Variants in AHNAK observed in about 807,000 individuals in gnomAD.
The protein encoded by AHNAK is neuroblast differentiation-associated protein AHNAK.
Under a neutral mutation model 37.8 loss-of-function variants are expected in AHNAK, and 23 were observed. The observed-to-expected ratio is 0.61, with a 90% CI of 0.44 to 0.86. The LOEUF (loss-of-function observed/expected upper bound fraction) is 0.86, where lower values mean the gene tolerates loss of function less well. Among genes scored for constraint, AHNAK ranks in the 40% least tolerant of loss-of-function variants. The probability of loss-of-function intolerance (pLI) is 0.00; values close to 1 mark genes in which losing one functional copy is unlikely to be tolerated. For synonymous variants in AHNAK, 2,481 were observed against 2,636.3 expected (o/e 0.94, Z 1.80); for missense variants, 7,411 against 7,319.4 (o/e 1.01, Z -0.46).
chr11:62,464,140 T>C (rs1409081291), intron 5 of AHNAK, among the ~76,000 whole-genome samples: 1 of 151,194 alleles, frequency 6.6e-6, no homozygotes. Flanking sequence ...TGATCCTCTC[T>C]CCTCAGCCTC....
intron 5 of AHNAK, among the ~76,000 whole-genome samples, chr11:62,442,367 G>A: frequency 6.6e-6 from 1 of 152,050 alleles, no homozygotes; most frequent in Non-Finnish European, 1.5e-5. Flanking sequence ...GGGCAGCATG[G>A]CAAAATCCTA....
intron 4 of AHNAK, among the ~76,000 whole-genome samples, chr11:62,493,853 G>T (rs1209657697): frequency 6.6e-6 from 1 of 151,982 alleles, no homozygotes; most frequent in Non-Finnish European, 1.5e-5. Context: ...GACTGTTGGG[G>T]CCACTTAAAT....
rs980418398 is a variant in AHNAK at position 62,523,361 on chromosome 11, T to C, written c.11056A>G (p.Lys3686Glu). Residue 3686 changes from lysine to glutamate, a missense_variant, in exon 5 of 5, where the codon AAG (lysine) becomes GAG (glutamate). Coordinates refer to ENST00000378024, the MANE Select transcript of AHNAK (RefSeq NM_001620.3). The part of the protein sequence containing the change: ...FDLNLKGPKM[K>E]GDVVVSLPKV... ...GGCAAAGACACAACCACATCACCCTTCATTTTGGGTCCCTTCAAGTTCAGG... is the reference window on the plus strand; with the variant it reads ...GGCAAAGACACAACCACATCACCCTCCATTTTGGGTCCCTTCAAGTTCAGG... 5 of 1,612,648 alleles carry C rather than the reference T, an allele frequency of 3.1e-6. No homozygotes were observed. In the African/African-American group the frequency reaches 4.0e-5, roughly 13 times the overall value.
Position 62,524,373 on chromosome 11 carries a change from C to A in AHNAK, c.10044G>T (p.Lys3348Asn). ...GPKLNIEGKS[K>N]KSRFKLPKFN... Reference sequence around the variant, plus strand: ...ATTTGGGAAGCTTAAAACGAGATTTCTTTGACTTGCCTTCGATATTAAGCT... The same window carrying A: ...ATTTGGGAAGCTTAAAACGAGATTTATTTGACTTGCCTTCGATATTAAGCT... Residue 3348 changes from lysine to asparagine, a missense_variant, in exon 5 of 5, where the codon AAG becomes AAT. Transcript: ENST00000378024. 4.3e-6 allele frequency: 7 copies of A among 1,613,034 alleles called. No individual in the cohort carries two copies. Among genetic ancestry groups the A allele is most frequent in the Non-Finnish European group, 5.9e-6 (7 of 1,179,782 alleles).
intron 4 of AHNAK, among the ~76,000 whole-genome samples, chr11:62,496,024 G>A (rs1472141917): frequency 2.0e-5 from 3 of 151,466 alleles, no homozygotes; most frequent in Non-Finnish European, 4.4e-5. Context: ...ACTCCAGCAT[G>A]GGTGACAGAG....
chr11:62,443,674 G>A (rs1056949239), intron 5 of AHNAK, among the ~76,000 whole-genome samples: 6 of 152,032 alleles, frequency 3.9e-5, no homozygotes, highest in African/African-American at 1.4e-4. Flanking sequence ...CATCTTCCTC[G>A]ATACAGCCCC....
chr11:62,534,163 C>T, intron 4 of AHNAK, 89 bp from the exon 5 acceptor site: 1 of 1,387,046 alleles, frequency 7.2e-7, no homozygotes, highest in Non-Finnish European at 9.6e-7. Flanking sequence ...AACACGTTGC[C>T]TGTTTCCCAG....
rs11355402 is a variant in AHNAK at position 62,481,089 on chromosome 11, G to GT, written c.442+10642dup. ...TATGGGCTTCTCTTTTCTTTTTTTG[G>GT]TTTTTTTTTTTTTGGTTTTTTTTTT... On this transcript the variant is annotated intron_variant, in intron 5 of 5. Transcript: ENST00000257247. Among the ~76,000 whole-genome samples, 9 of 40,308 alleles carry GT rather than the reference G, an allele frequency of 2.2e-4. No individual in the cohort carries two copies. The East Asian group carries it at 0.01, about 45-fold the overall frequency. The allele number at this position is 40,308 out of a possible 152,430, so 26.4% of individuals were successfully genotyped here.
At chr11:62,505,852 G>A (rs1939801654) in intron 4 of AHNAK, among the ~76,000 whole-genome samples, 1 of 150,820 alleles carries the variant, frequency 6.6e-6, no homozygotes, top group Admixed American at 6.6e-5. Context: ...TTTTCTGCTT[G>A]CTTTCTTCTT....
intron 5 of AHNAK, among the ~76,000 whole-genome samples, chr11:62,465,640 T>A (rs150285143): frequency 0.011 from 1,661 of 151,802 alleles, 21 homozygotes; most frequent in African/African-American, 0.033. Context: ...AAATAAAAAT[T>A]AAAATTAAAA....
chr11:62,528,553 C>A lies in AHNAK; in HGVS notation c.5864G>T (p.Ser1955Ile), dbSNP rs776576586. ...PKLEGDLTGP[S>I]VGVEVPDVEL... ...AACATCAGGCACCTCCACACCCACACTGGGACCTGTTAAATCTCCCTCCAA... is the reference window on the plus strand; with the variant it reads ...AACATCAGGCACCTCCACACCCACAATGGGACCTGTTAAATCTCCCTCCAA... The change falls in exon 5 of 5, where the codon AGT becomes ATT. Residue 1955 changes from serine to isoleucine, a missense_variant. Transcript: ENST00000378024. The A allele has an allele frequency of 1.9e-5, 31 of 1,610,164 alleles. No individual in the cohort carries two copies. The Admixed American group carries it at 4.2e-4, about 22-fold the overall frequency.
chr11:62,509,779 G>A (rs1187385699), intron 4 of AHNAK, among the ~76,000 whole-genome samples: 3 of 151,996 alleles, frequency 2.0e-5, no homozygotes, highest in African/African-American at 7.2e-5. Flanking sequence ...TTAGCCAGGT[G>A]TGGTGGCGGG....
chr11:62,522,043 T>C lies in AHNAK; in HGVS notation c.12374A>G (p.Lys4125Arg), dbSNP rs200425776. 6.2e-7 allele frequency: 1 copy of C among 1,614,174 alleles called. No individual in the cohort carries two copies. Among genetic ancestry groups the C allele is most frequent in the Admixed American group, 1.7e-5 (1 of 60,012 alleles). ...PKFKMPDLHL[K>R]APKISMPEVD... ...TTCAGGCATAGAGATCTTCGGTGCC[T>C]TGAGGTGCAGGTCAGGCATTTTAAA... is the stretch of plus-strand genomic sequence containing the variant. Residue 4125 changes from lysine to arginine, a missense_variant, in exon 5 of 5, where the codon AAG (lysine) becomes AGG (arginine). Transcript: ENST00000378024.
chr11:62,472,628 G>A (rs1485615081), intron 5 of AHNAK, among the ~76,000 whole-genome samples: 1 of 151,922 alleles, frequency 6.6e-6, no homozygotes, highest in Non-Finnish European at 1.5e-5. Context: ...CCCACCCCCT[G>A]CCACCATCCT....
At chr11:62,539,753 T>A (rs1024387437) in intron 1 of AHNAK, among the ~76,000 whole-genome samples, 2 of 152,162 alleles carry the variant, frequency 1.3e-5, no homozygotes, top group South Asian at 2.1e-4. Context: ...AAGCTGCAGG[T>A]TGGCCCTGGC....
intron 5 of AHNAK, among the ~76,000 whole-genome samples, chr11:62,490,580 C>G (rs1446882023): frequency 6.6e-6 from 1 of 151,938 alleles, no homozygotes; most frequent in Non-Finnish European, 1.5e-5. Context: ...ATGGGTGGAG[C>G]GCTGGGCAAG....
At chr11:62,482,929 C>G (rs1939304813) in intron 5 of AHNAK, among the ~76,000 whole-genome samples, 1 of 152,066 alleles carries the variant, frequency 6.6e-6, no homozygotes, top group Non-Finnish European at 1.5e-5. Flanking sequence ...ATAATTTAAC[C>G]CTTAAGAGGC....
chr11:62,530,223 C>G lies in AHNAK; in HGVS notation c.4194G>C (p.Glu1398Asp). The change falls in exon 5 of 5, where the codon GAG becomes GAC. Residue 1398 changes from glutamate (E) to aspartate (D), a missense_variant. By Grantham distance (45) the Glu-to-Asp change is conservative. Transcript: ENST00000378024. ...GCAGCTTCACATCCACTTCAGGGCC[C>G]TCTCCTTTGAAGCCGGGCATGCTGA... The part of the protein sequence containing the change: ...PKFSMPGFKG[E>D]GPEVDVKLPK... 2 of 1,612,902 alleles carry G rather than the reference C, an allele frequency of 1.2e-6. No homozygotes were observed. The highest frequency in any genetic ancestry group is 1.7e-6 in the Non-Finnish European group (2 of 1,179,806).
chr11:62,434,002 C>T (rs978763167), intron 5 of AHNAK: 9 of 1,364,772 alleles, frequency 6.6e-6, no homozygotes, highest in Middle Eastern at 1.9e-4. Context: ...TCCCCCCACT[C>T]CTTGCTAGGG....
Sources: allele counts gnomAD v4.1 joint callset (sites outside exome capture counted in the v4.1 genomes callset), GRCh38; gene constraint gnomAD v4.1.1; transcripts MANE v1.5; gene names NCBI Gene and HGNC (gene_info 2026-07-23, HGNC 2026-07-21).